Variants in SLC9A9 observed in about 807,000 individuals in gnomAD.
The protein encoded by SLC9A9 is solute carrier family 9 member A9, also known as sodium/hydrogen exchanger 9.
SLC9A9 carries 62 observed loss-of-function variants against 77.8 expected under a neutral mutation model. The observed-to-expected ratio is 0.80, with a 90% CI of 0.65 to 0.98. The LOEUF (loss-of-function observed/expected upper bound fraction) is 0.98. Among genes scored for constraint, SLC9A9 ranks in the 50% least tolerant of loss-of-function variants. The pLI, the probability that SLC9A9 is intolerant of heterozygous loss-of-function variation, is 0.00. For synonymous variants in SLC9A9, 320 were observed against 283.5 expected, an observed-to-expected ratio of 1.13 and a Z score of -1.29; for missense variants, 775 against 774.9, an observed-to-expected ratio of 1.00 and a Z score of 0.00.
At chr3:143,277,976 TA>T (rs769460117) in intron 14 of SLC9A9, among the ~76,000 whole-genome samples, 49 of 152,116 alleles carry the variant, frequency 3.2e-4, no homozygotes, top group Admixed American at 6.6e-4. Flanking sequence ...AGCTCACACT[TA>T]AGATAAGGGT....
At chr3:143,552,753 A>G (rs1211501592) in intron 8 of SLC9A9, among the ~76,000 whole-genome samples, 1 of 152,232 alleles carries the variant, frequency 6.6e-6, no homozygotes, top group Non-Finnish European at 1.5e-5. Context: ...ATTTGAAAAC[A>G]TGAACAAAAG....
chr3:143,448,642 A>G (rs2034891294), intron 12 of SLC9A9, among the ~76,000 whole-genome samples: 1 of 151,528 alleles, frequency 6.6e-6, no homozygotes, highest in Admixed American at 6.6e-5. Context: ...TGTATTTTGA[A>G]CTTTAAAACA....
intron 12 of SLC9A9, among the ~76,000 whole-genome samples, chr3:143,459,577 T>TA (rs2035153685): frequency 6.6e-6 from 1 of 152,264 alleles, no homozygotes; most frequent in Admixed American, 6.5e-5. Flanking sequence ...ATGTTCTGAC[T>TA]TATAGTTCAT....
intron 4 of SLC9A9, among the ~76,000 whole-genome samples, chr3:143,699,644 C>T (rs1444460432): frequency 2.0e-5 from 3 of 152,176 alleles, no homozygotes; most frequent in Non-Finnish European, 4.4e-5. Context: ...CAGCCTTAGC[C>T]AGAGAGGAAT....
In SLC9A9 at chr3:143,373,281, T is replaced by C. The variant is rs189981228; in HGVS notation, c.1524+8779A>G. 3.0e-4 allele frequency among the ~76,000 whole-genome samples: 45 copies of C among 152,258 alleles called. No individual in the cohort carries two copies. In the East Asian group the frequency reaches 7.3e-3, roughly 25 times the overall value. On this transcript the variant is annotated intron_variant, in intron 13 of 15. Transcript: ENST00000316549. Reference sequence around the variant, plus strand: ...AACATTTCTCAGCCATAAGAATGAATGAAATAATGTCTTTTGCAGCAACTC... The same window carrying C: ...AACATTTCTCAGCCATAAGAATGAACGAAATAATGTCTTTTGCAGCAACTC...
At chr3:143,848,061 A>G in intron 1 of SLC9A9, 87 bp downstream of exon 1, 1 of 1,239,326 alleles carries the variant, frequency 8.1e-7, no homozygotes, top group Non-Finnish European at 1.2e-6. Flanking sequence ...CATTTTCTCC[A>G]GTTTCGGTAC....
intron 12 of SLC9A9, among the ~76,000 whole-genome samples, chr3:143,420,463 C>A (rs1480388708): frequency 2.6e-5 from 4 of 152,158 alleles, no homozygotes; most frequent in South Asian, 4.1e-4. Flanking sequence ...TTGGGAATAT[C>A]AGAAAGGGTG....
intron 2 of SLC9A9, among the ~76,000 whole-genome samples, chr3:143,808,970 CTG>C (rs1167202564): frequency 6.6e-6 from 1 of 152,196 alleles, no homozygotes; most frequent in Admixed American, 6.5e-5. Flanking sequence ...GGTTACACAA[CTG>C]TGCAAAATTT....
chr3:143,837,094 T>C (rs1413989055), intron 1 of SLC9A9, among the ~76,000 whole-genome samples: 1 of 152,194 alleles, frequency 6.6e-6, no homozygotes, highest in Non-Finnish European at 1.5e-5. Context: ...AAAGCTTAAA[T>C]AAAGCAGATT....
intron 14 of SLC9A9, among the ~76,000 whole-genome samples, chr3:143,357,496 AC>A (rs2032626467): frequency 6.6e-6 from 1 of 152,152 alleles, no homozygotes; most frequent in Non-Finnish European, 1.5e-5. Context: ...TCTCCTTTAG[AC>A]AGGTGAGGCT....
chr3:143,339,971 A>C (rs1175521587), intron 14 of SLC9A9, among the ~76,000 whole-genome samples: 1 of 152,268 alleles, frequency 6.6e-6, no homozygotes, highest in Non-Finnish European at 1.5e-5. Context: ...ACCAAGTCAA[A>C]GACTAATGCA....
intron 4 of SLC9A9, among the ~76,000 whole-genome samples, chr3:143,698,613 G>C (rs1016090495): frequency 6.6e-6 from 1 of 152,120 alleles, no homozygotes; most frequent in Non-Finnish European, 1.5e-5. Context: ...AATACAAAAA[G>C]TTCCAGAAGT....
chr3:143,322,525 T>C (rs528559387), intron 14 of SLC9A9, among the ~76,000 whole-genome samples: 3 of 152,312 alleles, frequency 2.0e-5, no homozygotes, highest in Admixed American at 2.0e-4. Flanking sequence ...AGCCCATGCC[T>C]TATAATAAAT....
intron 6 of SLC9A9, among the ~76,000 whole-genome samples, chr3:143,640,628 A>C (rs2038605415): frequency 6.6e-6 from 1 of 152,170 alleles, no homozygotes. Flanking sequence ...TGGGAGGCCA[A>C]GGCGGGACAA....
chr3:143,705,039 C>CTATCTATA (rs1327278120), intron 4 of SLC9A9, among the ~76,000 whole-genome samples: 63 of 31,118 alleles, frequency 2.0e-3, no homozygotes, highest in African/African-American at 6.5e-3. Context: ...ATCTATCTAT[C>CTATCTATA]TATATAGATA....
At chr3:143,578,776 G>A (rs2037408185) in intron 6 of SLC9A9, 53 bp from the exon 7 acceptor site, 1 of 1,610,880 alleles carries the variant, frequency 6.2e-7, no homozygotes, top group South Asian at 1.1e-5. Context: ...TCATAGCCCA[G>A]ATAGGATTTC....
At chr3:143,794,864 G>GA (rs144423685) in intron 4 of SLC9A9, 137 bp downstream of exon 4, 4 of 803,288 alleles carry the variant, frequency 5.0e-6, no homozygotes, top group South Asian at 2.9e-5. Context: ...AATTAAGTCA[G>GA]AAAAAACATA....
At chr3:143,750,534 C>T (rs572716172) in intron 4 of SLC9A9, among the ~76,000 whole-genome samples, 1 of 152,266 alleles carries the variant, frequency 6.6e-6, no homozygotes, top group East Asian at 1.9e-4. Context: ...AAACATTAAT[C>T]AAATTCACTG....
At chr3:143,518,167 G>A in intron 9 of SLC9A9, 25 of 1,599,830 alleles carry the variant, frequency 1.6e-5, no homozygotes, top group Non-Finnish European at 2.0e-5. Flanking sequence ...TGTGCAGAAC[G>A]CTCGGATCCT....
Sources: gnomAD v4.1 joint callset for allele counts (sites outside exome capture counted in the v4.1 genomes callset) on GRCh38, gnomAD v4.1.1 for gene constraint, MANE v1.5 for transcripts, NCBI Gene and HGNC (gene_info 2026-07-23, HGNC 2026-07-21) for gene names.